The following TINAGL1 variants were observed in gnomAD, a reference collection of about 807,000 sequenced individuals.
TINAGL1 encodes the protein tubulointerstitial nephritis antigen like 1.
A neutral mutation model predicts 62.0 loss-of-function variants in TINAGL1; 34 were observed. That is an observed-to-expected ratio of 0.55 (90% CI 0.42 to 0.73). The LOEUF (loss-of-function observed/expected upper bound fraction) is 0.73, where lower values mean the gene tolerates loss of function less well. Among genes scored for constraint, TINAGL1 ranks in the 30% least tolerant of loss-of-function variants. The pLI, the probability that TINAGL1 is intolerant of heterozygous loss-of-function variation, is 0.00. For synonymous variants in TINAGL1, 221 were observed against 249.7 expected, an observed-to-expected ratio of 0.88 and a Z score of 1.08; for missense variants, 516 against 653.2, an observed-to-expected ratio of 0.79 and a Z score of 2.29.
rs201304278 is a variant in TINAGL1 at position 31,585,357 on chromosome 1, G to A, written c.1047+17G>A. 2.2e-5 allele frequency: 35 copies of A among 1,604,554 alleles called. No individual in the cohort carries two copies. Among genetic ancestry groups the A allele is most frequent in the African/African-American group, 5.3e-5 (4 of 74,872 alleles). ...GGCTCCAACGTAAGTCAGCACTTGG[G>A]TGAGGGCGCCGAGGCAGGAGGGTTG... On this transcript the variant is annotated intron_variant, in intron 8 of 11. Coordinates refer to ENST00000271064, the MANE Select transcript of TINAGL1 (RefSeq NM_022164.3). This position sits in a 1 kb window ranked among gnomAD's most constrained non-coding sequence, Gnocchi z 4.3.
chr1:31,580,963 C>T (rs762665352), intron 3 of TINAGL1, among the ~76,000 whole-genome samples: 21 of 152,092 alleles, frequency 1.4e-4, no homozygotes, highest in African/African-American at 3.6e-4. Context: ...GAGAGGATAA[C>T]GGGGGTCCCA....
chr1:31,583,249 G>C lies in TINAGL1; in HGVS notation c.467+8G>C. ...CAACCAGGGCAACTATGGGTGAGAG[G>C]CCCTAGAGGCACCCTCAGTGGGCAC... On this transcript the variant is annotated splice_region_variant and intron_variant, in intron 4 of 11. Transcript: ENST00000271064. The surrounding 1 kb of genome is among the most constrained non-coding windows in gnomAD (Gnocchi z 4.4). 1 of 1,613,738 alleles carries C rather than the reference G, an allele frequency of 6.2e-7. No individual in the cohort carries two copies. The highest frequency in any genetic ancestry group is 8.5e-7 in the Non-Finnish European group (1 of 1,179,692).
intron 3 of TINAGL1, among the ~76,000 whole-genome samples, chr1:31,580,063 CTGTGTG>C (rs67386887): frequency 0.24 from 35,152 of 149,314 alleles, 4,139 homozygotes; most frequent in East Asian, 0.39. Context: ...TGTGTGTGCA[CTGTGTG>C]TGTGTGTGTG....
Position 31,585,560 on chromosome 1 carries a change from C to A in TINAGL1, c.1093+75C>A. 1 of 1,594,258 alleles carries A rather than the reference C, an allele frequency of 6.3e-7. No homozygotes were observed. The highest frequency in any genetic ancestry group is 8.6e-7 in the Non-Finnish European group (1 of 1,167,754). Reference sequence around the variant, plus strand: ...AGAGTGGGCACAGTAGCACAAGTGGCCTGCACAGCATTCAGCAGCATGTCC... The same window carrying A: ...AGAGTGGGCACAGTAGCACAAGTGGACTGCACAGCATTCAGCAGCATGTCC... On this transcript the variant is annotated intron_variant, in intron 9 of 11. Transcript: ENST00000271064. This position sits in a 1 kb window ranked among gnomAD's most constrained non-coding sequence, Gnocchi z 4.3.
At position 31,587,240 on chromosome 1, in the gene TINAGL1, G is replaced by A. The variant is rs61778632; in HGVS notation, c.*261G>A. 523 of 376,894 alleles carry A rather than the reference G, an allele frequency of 1.4e-3. 4 individuals are homozygous for A. The highest frequency in any genetic ancestry group is 2.1e-3 in the Non-Finnish European group (464 of 222,354). The allele number at this position is 376,894 out of a possible 1,614,324, so 23.3% of individuals were successfully genotyped here. A position where few individuals can be genotyped will look rare whatever the true frequency, so the allele number is the denominator to read the frequency against. On this transcript the variant is annotated 3_prime_UTR_variant, in exon 12 of 12. Coordinates refer to ENST00000271064, the MANE Select transcript of TINAGL1 (RefSeq NM_022164.3). Reference sequence around the variant, plus strand: ...GGAAGAGCACAGCTGCAGATCCCAGGCCTCTGGCGCCCCCACTCAAGACTA... The same window carrying A: ...GGAAGAGCACAGCTGCAGATCCCAGACCTCTGGCGCCCCCACTCAAGACTA...
In TINAGL1 at chr1:31,586,883, C is replaced by T. The variant is rs377192752; in HGVS notation, c.1308C>T (p.His436=). 3.2e-6 allele frequency: 5 copies of T among 1,552,826 alleles called. No individual in the cohort carries two copies. The South Asian group carries it at 3.7e-5, about 11-fold the overall frequency. The change falls in exon 12 of 12, where the codon CAC becomes CAT. Residue 436 remains histidine (H), a synonymous_variant. Transcript: ENST00000271064. ...GCCCAGCCTGGGGCGAGAGGGGCCA[C>T]TTCCGCATCGTGCGCGGCGTCAATG... is the stretch of plus-strand genomic sequence containing the variant. ...SWGPAWGERG[H]FRIVRGVNEC...
In TINAGL1 at chr1:31,585,820, C is replaced by G; in HGVS notation, c.1161C>G (p.Ser387Arg). The change falls in exon 10 of 12, where the codon AGC (serine) becomes AGG (arginine). Residue 387 changes from serine (S) to arginine (R), a missense_variant. Ser to Arg is a moderately radical substitution (Grantham distance 110, BLOSUM62 -1). Transcript: ENST00000271064. The surrounding 1 kb of genome is among the most constrained non-coding windows in gnomAD (Gnocchi z 4.3). ...KGGIYSHTPV[S>R]LGRPERYRRH... is the part of the protein sequence containing the mutation. ...GCATCTACAGCCACACGCCAGTGAG[C>G]CTTGGGAGGCCAGAGAGATACCGCC... is the stretch of plus-strand genomic sequence containing the variant. 2 of 1,612,102 alleles carry G rather than the reference C, an allele frequency of 1.2e-6. No individual in the cohort carries two copies. Among genetic ancestry groups the G allele is most frequent in the Non-Finnish European group, 8.5e-7 (1 of 1,179,150 alleles).
chr1:31,582,551 G>T (rs1468155758), intron 3 of TINAGL1, among the ~76,000 whole-genome samples: 5 of 152,098 alleles, frequency 3.3e-5, no homozygotes, highest in African/African-American at 7.2e-5. Flanking sequence ...CTTAGGTTTA[G>T]CAGGGTCACT....
In TINAGL1 at chr1:31,583,307, T is replaced by A; in HGVS notation, c.467+66T>A. The A allele has an allele frequency of 6.5e-7, 1 of 1,543,446 alleles. No homozygotes were observed. Among genetic ancestry groups the A allele is most frequent in the Non-Finnish European group, 9.0e-7 (1 of 1,116,772 alleles). On this transcript the variant is annotated intron_variant, in intron 4 of 11. Coordinates refer to ENST00000271064, the MANE Select transcript of TINAGL1 (RefSeq NM_022164.3). This position sits in a 1 kb window ranked among gnomAD's most constrained non-coding sequence, Gnocchi z 4.4. Reference sequence around the variant, plus strand: ...TACTCATGCATGTATACACGCATGCTGTGCTGTGGGGCACGTCCAGCAGGC... The same window carrying A: ...TACTCATGCATGTATACACGCATGCAGTGCTGTGGGGCACGTCCAGCAGGC...
intron 11 of TINAGL1, 30 bp from the exon 12 acceptor site, chr1:31,586,809 C>T: frequency 3.3e-6 from 5 of 1,535,006 alleles, no homozygotes; most frequent in Non-Finnish European, 4.4e-6. Flanking sequence ...CACTCCCATT[C>T]CCCTTCTCAC....
In TINAGL1 at chr1:31,585,123, C is replaced by T; in HGVS notation, c.858-28C>T. ...GGCCATGATGCACTGAGTCTTTCTG[C>T]CTTTGCTCCCTCTTGCTGCCTTTGC... On this transcript the variant is annotated intron_variant, in intron 7 of 11. Transcript: ENST00000271064. The surrounding 1 kb of genome is among the most constrained non-coding windows in gnomAD (Gnocchi z 4.3). The T allele has an allele frequency of 6.4e-7, 1 of 1,564,482 alleles. No homozygotes were observed. The highest frequency in any genetic ancestry group is 2.3e-5 in the East Asian group (1 of 44,298).
In TINAGL1 at chr1:31,579,249, G is replaced by C. The variant is rs144415175; in HGVS notation, c.356G>C (p.Trp119Ser). 61 of 1,613,970 alleles carry C rather than the reference G, an allele frequency of 3.8e-5. No individual in the cohort carries two copies. The highest frequency in any genetic ancestry group is 5.1e-5 in the Non-Finnish European group (60 of 1,179,964). The change falls in exon 3 of 12, where the codon TGG becomes TCG. Residue 119 changes from tryptophan (W) to serine (S), a missense_variant. Trp to Ser is a radical substitution (Grantham distance 177, BLOSUM62 -3). Coordinates refer to ENST00000271064, the MANE Select transcript of TINAGL1 (RefSeq NM_022164.3). ...ATCTATCCAGTCTTGGGAACGTACT[G>C]GGACAACTGTAACCGTTGGTGAGTG... is the stretch of plus-strand genomic sequence containing the variant. ...GRIYPVLGTY[W>S]DNCNRCTCQE...
intron 3 of TINAGL1, among the ~76,000 whole-genome samples, chr1:31,581,186 C>T (rs1639234843): frequency 6.6e-6 from 1 of 152,102 alleles, no homozygotes; most frequent in Non-Finnish European, 1.5e-5. Context: ...TCAGCTGTGC[C>T]CAGGATTCTG....
Position 31,585,683 on chromosome 1 carries a change from C to A in TINAGL1, c.1094-70C>A. 1 of 1,570,386 alleles carries A rather than the reference C, an allele frequency of 6.4e-7. No individual in the cohort carries two copies. Among genetic ancestry groups the A allele is most frequent in the Admixed American group, 1.8e-5 (1 of 55,548 alleles). On this transcript the variant is annotated intron_variant, in intron 9 of 11. Coordinates refer to ENST00000271064, the MANE Select transcript of TINAGL1 (RefSeq NM_022164.3). This position sits in a 1 kb window ranked among gnomAD's most constrained non-coding sequence, Gnocchi z 4.3. Reference sequence around the variant, plus strand: ...GAGGGACCCTGGTGCCTGGGCACATCTCAATAGACTCAGGCTCCAGTGCCT... The same window carrying A: ...GAGGGACCCTGGTGCCTGGGCACATATCAATAGACTCAGGCTCCAGTGCCT...
chr1:31,586,041 C>G lies in TINAGL1; in HGVS notation c.1217+165C>G, dbSNP rs548481850. 74 of 1,008,584 alleles carry G rather than the reference C, an allele frequency of 7.3e-5. 1 individual carries two copies. The Admixed American group carries it at 1.1e-3, about 16-fold the overall frequency. 62.5% of individuals were successfully genotyped at this position (1,008,584 alleles called of 1,614,324 possible). A position where few individuals can be genotyped will look rare whatever the true frequency, so the allele number is the denominator to read the frequency against. ...GAAAGAGAAAGGACTTGCCCTGGGT[C>G]GAATTGAAGGTTGGGAGCCTCTGAA... is the stretch of plus-strand genomic sequence containing the variant. On this transcript the variant is annotated intron_variant, in intron 10 of 11. Coordinates refer to ENST00000271064, the MANE Select transcript of TINAGL1 (RefSeq NM_022164.3).
Position 31,583,022 on chromosome 1 carries a change from A to C in TINAGL1, c.375-127A>C. 1 of 786,846 alleles carries C rather than the reference A, an allele frequency of 1.3e-6. No individual in the cohort carries two copies. Among genetic ancestry groups the C allele is most frequent in the South Asian group, 1.5e-5 (1 of 67,130 alleles). 48.7% of individuals were successfully genotyped at this position (786,846 alleles called of 1,614,324 possible). ...ATTTAAAGCCACCAGGCTGGATGGG[A>C]TCACCTAGAGATTCTCCCACAGTCA... On this transcript the variant is annotated intron_variant, in intron 3 of 11. Coordinates refer to ENST00000271064, the MANE Select transcript of TINAGL1 (RefSeq NM_022164.3). The surrounding 1 kb of genome is among the most constrained non-coding windows in gnomAD (Gnocchi z 4.4).
At chr1:31,581,983 C>G (rs1639257310) in intron 3 of TINAGL1, among the ~76,000 whole-genome samples, 1 of 152,160 alleles carries the variant, frequency 6.6e-6, no homozygotes, top group South Asian at 2.1e-4. Context: ...GCTGAAAATA[C>G]CAAACAATAC....
chr1:31,581,933 A>G (rs905920025), intron 3 of TINAGL1, among the ~76,000 whole-genome samples: 2 of 152,168 alleles, frequency 1.3e-5, no homozygotes, highest in Non-Finnish European at 2.9e-5. Context: ...ACAAATATTC[A>G]TTGGGTGCTT....
rs1570222012 is a variant in TINAGL1, at chr1:31,586,603, CA to C, written c.1218-105del. Reference sequence around the variant, plus strand: ...CCTGCCTGAGCCCTAAGGGTGTACCCAACCCTCCAAAGGCAACTGGGGGCTG... The same window carrying C: ...CCTGCCTGAGCCCTAAGGGTGTACCCACCCTCCAAAGGCAACTGGGGGCTG... On this transcript the variant is annotated intron_variant, in intron 10 of 11. Coordinates refer to ENST00000271064, the MANE Select transcript of TINAGL1 (RefSeq NM_022164.3). 1.3e-5 allele frequency: 17 copies of C among 1,347,338 alleles called. No individual in the cohort carries two copies. The East Asian group carries it at 4.3e-4, about 34-fold the overall frequency. 83.5% of individuals were successfully genotyped at this position (1,347,338 alleles called of 1,614,324 possible). A position where few individuals can be genotyped will look rare whatever the true frequency, so the allele number is the denominator to read the frequency against.
Sources: gnomAD v4.1 joint callset for allele counts (sites outside exome capture counted in the v4.1 genomes callset) on GRCh38, gnomAD v4.1.1 for gene constraint, Gnocchi (gnomAD v3.1) non-coding constraint, MANE v1.5 for transcripts, NCBI Gene and HGNC (gene_info 2026-07-23, HGNC 2026-07-21) for gene names.